ACOXL: variants seen among roughly 807,000 people sequenced by gnomAD.
The protein encoded by ACOXL is acyl-coenzyme A oxidase-like protein.
In ACOXL, 70 loss-of-function variants were observed where a neutral mutation model predicts 71.9. The observed-to-expected ratio is 0.97, with a 90% CI of 0.80 to 1.19. The LOEUF (loss-of-function observed/expected upper bound fraction) is 1.19. ACOXL is among the 50% of genes most tolerant of loss of function. The pLI is 0.00. For synonymous variants in ACOXL, 253 were observed against 281.6 expected (o/e 0.90, Z 1.02); for missense variants, 703 against 736.3 (o/e 0.95, Z 0.52).
At chr2:110,777,151 T>A (rs1333128751) in intron 2 of ACOXL, among the ~76,000 whole-genome samples, 1 of 152,084 alleles carries the variant, frequency 6.6e-6, no homozygotes, top group Admixed American at 6.6e-5. Context: ...CATCTAAACA[T>A]GTTTGCGATG....
intron 10 of ACOXL, among the ~76,000 whole-genome samples, chr2:110,893,128 T>A (rs1304143711): frequency 2.0e-5 from 3 of 152,182 alleles, no homozygotes; most frequent in Non-Finnish European, 4.4e-5. Flanking sequence ...AGTATTAGGT[T>A]AAATTGTTTA....
chr2:110,805,879 C>G (rs1686578241), intron 9 of ACOXL, among the ~76,000 whole-genome samples: 1 of 152,206 alleles, frequency 6.6e-6, no homozygotes, highest in South Asian at 2.1e-4. Flanking sequence ...TGCCCTGCCT[C>G]TCCCGTGTAT....
chr2:111,060,323 A>G (rs572160618), intron 16 of ACOXL, among the ~76,000 whole-genome samples: 13 of 152,250 alleles, frequency 8.5e-5, no homozygotes, highest in Admixed American at 2.6e-4. Context: ...ACTGGCTCCA[A>G]TAGTAATGAG....
chr2:110,886,818 G>T, intron 10 of ACOXL: 4 of 1,551,012 alleles, frequency 2.6e-6, no homozygotes, highest in Non-Finnish European at 3.5e-6. Flanking sequence ...TTCAGCTCCA[G>T]CTGGTCTTTA....
chr2:110,824,575 T>C (rs1021486859), intron 9 of ACOXL, among the ~76,000 whole-genome samples: 2 of 152,160 alleles, frequency 1.3e-5, no homozygotes, highest in Non-Finnish European at 1.5e-5. Context: ...CTCACTGAAT[T>C]TTTCCTTTTT....
intron 14 of ACOXL, among the ~76,000 whole-genome samples, chr2:111,017,352 A>G (rs944562451): frequency 3.3e-5 from 5 of 152,190 alleles, no homozygotes; most frequent in African/African-American, 1.2e-4. Flanking sequence ...ATAACCAGCA[A>G]TCTTACCGCA....
At chr2:111,051,428 T>C (rs542750470) in intron 16 of ACOXL, among the ~76,000 whole-genome samples, 1 of 152,358 alleles carries the variant, frequency 6.6e-6, no homozygotes, top group Admixed American at 6.5e-5. Context: ...CTTAACCTCA[T>C]GAAAACTTGT....
At chr2:111,095,490 CAAGTGATT>C (rs2068757198) in intron 17 of ACOXL, among the ~76,000 whole-genome samples, 1 of 149,410 alleles carries the variant, frequency 6.7e-6, no homozygotes, top group African/African-American at 2.5e-5. Context: ...CTCCCGGGCT[CAAGTGATT>C]CCTTGCCTCA....
intron 1 of ACOXL, among the ~76,000 whole-genome samples, chr2:110,760,670 G>A (rs1338270221): frequency 1.3e-5 from 2 of 152,240 alleles, no homozygotes; most frequent in African/African-American, 4.8e-5. Context: ...CCATGGCCAA[G>A]ACAAGTGAGC....
chr2:111,111,136 G>C (rs2069923172), intron 17 of ACOXL, among the ~76,000 whole-genome samples: 1 of 152,070 alleles, frequency 6.6e-6, no homozygotes, highest in South Asian at 2.1e-4. Flanking sequence ...ATCTCACTCT[G>C]TCACCCAGGT....
At chr2:110,934,051 G>C (rs1336839116) in intron 12 of ACOXL, among the ~76,000 whole-genome samples, 1 of 152,200 alleles carries the variant, frequency 6.6e-6, no homozygotes, top group African/African-American at 2.4e-5. Context: ...AGCATTCAGA[G>C]ACTTCCTGGT....
At chr2:110,968,360 GTACCA>G in intron 12 of ACOXL, 1 of 1,146,358 alleles carries the variant, frequency 8.7e-7, no homozygotes, top group Non-Finnish European at 1.3e-6. Flanking sequence ...GTCTCTCATA[GTACCA>G]GATGATTCCC....
At chr2:111,041,263 A>G (rs570872948) in intron 15 of ACOXL, among the ~76,000 whole-genome samples, 2 of 152,296 alleles carry the variant, frequency 1.3e-5, no homozygotes, top group African/African-American at 4.8e-5. Context: ...CCTGAGCACT[A>G]TATTAAATGG....
intron 14 of ACOXL, among the ~76,000 whole-genome samples, chr2:111,025,232 G>C (rs112138571): frequency 6.6e-6 from 1 of 152,190 alleles, no homozygotes; most frequent in Admixed American, 6.5e-5. Context: ...CATTAAGCAG[G>C]TGGTAGATGT....
In ACOXL at chr2:111,099,475, G is replaced by C. The variant is rs529009631; in HGVS notation, c.1542+6509G>C. The C allele has an allele frequency of 2.6e-5, 4 of 152,354 alleles. No homozygotes were observed. In the East Asian group the frequency reaches 7.7e-4, roughly 29 times the overall value. 9.4% of individuals were successfully genotyped at this position (152,354 alleles called of 1,614,324 possible). A position where few individuals can be genotyped will look rare whatever the true frequency, so the allele number is the denominator to read the frequency against. On this transcript the variant is annotated intron_variant, in intron 17 of 17. Coordinates refer to ENST00000439055, the MANE Select transcript of ACOXL (RefSeq NM_001142807.4). ...ATAGTAAGCTGGGGCTTCTATGGCA[G>C]ATTTCGGACTCCACTCCACTGCTGT...
rs200219544 is a variant in ACOXL, at chr2:110,798,288, G to A, written c.346-322G>A. Reference sequence around the variant, plus strand: ...TTTTTTTTTTTTGAGATGGAGTCTCGCTCTGTCGCCCAGGCTGGAGTGCAG... The same window carrying A: ...TTTTTTTTTTTTGAGATGGAGTCTCACTCTGTCGCCCAGGCTGGAGTGCAG... On this transcript the variant is annotated intron_variant, in intron 5 of 17. Coordinates refer to ENST00000439055, the MANE Select transcript of ACOXL (RefSeq NM_001142807.4). Among the ~76,000 whole-genome samples, 14 of 146,418 alleles carry A rather than the reference G, an allele frequency of 9.6e-5. 1 individual carries two copies. In the East Asian group the frequency reaches 2.6e-3, roughly 27 times the overall value.
At chr2:110,836,560 C>T (rs1344610895) in intron 9 of ACOXL, among the ~76,000 whole-genome samples, 1 of 152,098 alleles carries the variant, frequency 6.6e-6, no homozygotes, top group Non-Finnish European at 1.5e-5. Context: ...TCTGTGGGTG[C>T]CATGGCCCTG....
intron 12 of ACOXL, among the ~76,000 whole-genome samples, chr2:110,954,539 C>A (rs1381490261): frequency 6.6e-6 from 1 of 152,122 alleles, no homozygotes; most frequent in Non-Finnish European, 1.5e-5. Flanking sequence ...ATTTAACTTA[C>A]GAAGTCTGAA....
chr2:110,890,830 T>G (rs1697844918), intron 10 of ACOXL, among the ~76,000 whole-genome samples: 1 of 152,180 alleles, frequency 6.6e-6, no homozygotes, highest in Non-Finnish European at 1.5e-5. Flanking sequence ...CGGTACATCT[T>G]GTTGATATCT....
Sources: gnomAD v4.1 joint callset for allele counts (sites outside exome capture counted in the v4.1 genomes callset) on GRCh38, gnomAD v4.1.1 for gene constraint, MANE v1.5 for transcripts, NCBI Gene and HGNC (gene_info 2026-07-23, HGNC 2026-07-21) for gene names.